Variants in AKR1C1 observed in about 807,000 individuals in gnomAD.
The protein encoded by AKR1C1 is 20 alpha-hydroxysteroid dehydrogenase.
Under a neutral mutation model 40.6 loss-of-function variants are expected in AKR1C1, and 32 were observed. The ratio of observed to expected loss-of-function variants is 0.79; its 90% CI spans 0.60 to 1.06. AKR1C1 has a LOEUF of 1.06. Ranked by LOEUF, AKR1C1 falls within the 50% of genes least tolerant of loss-of-function variation. AKR1C1 has a pLI of 0.00. For synonymous variants in AKR1C1, 105 were observed against 134.2 expected (o/e 0.78, Z 1.50); for missense variants, 320 against 363.5 (o/e 0.88, Z 0.97).
At position 4,977,852 on chromosome 10, in the gene AKR1C1, T is replaced by G; in HGVS notation, c.*110T>G. ...ACATCGCCTCTGGTTAAATCTCTCC[T>G]GCTTGGTGATTTCAGCAAGCTACAG... On this transcript the variant is annotated 3_prime_UTR_variant, in exon 9 of 9. Transcript: ENST00000380872. 1 of 1,466,490 alleles carries G rather than the reference T, an allele frequency of 6.8e-7. No homozygotes were observed. Among genetic ancestry groups the G allele is most frequent in the Non-Finnish European group, 9.3e-7 (1 of 1,078,942 alleles). 90.8% of individuals were successfully genotyped at this position (1,466,490 alleles called of 1,614,324 possible).
chr10:4,967,098 G>C (rs759863836), intron 3 of AKR1C1, 55 bp downstream of exon 3: 24 of 1,528,046 alleles, frequency 1.6e-5, no homozygotes, highest in Non-Finnish European at 2.2e-5. Flanking sequence ...CATAAATATT[G>C]TTTTTATGGA....
intron 7 of AKR1C1, among the ~76,000 whole-genome samples, chr10:4,973,666 G>A (rs1836475573): frequency 6.6e-6 from 1 of 152,120 alleles, no homozygotes. Context: ...GAAGGAGCTG[G>A]AAATTCATAT....
At chr10:4,972,804 T>C (rs1836459842) in intron 7 of AKR1C1, 55 bp downstream of exon 7, 3 of 1,581,332 alleles carry the variant, frequency 1.9e-6, no homozygotes, top group Admixed American at 3.5e-5. Context: ...TTCACACGTG[T>C]GCTTCTTGTA....
intron 1 of AKR1C1, among the ~76,000 whole-genome samples, chr10:4,964,451 G>A (rs1241204995): frequency 2.0e-5 from 3 of 152,178 alleles, no homozygotes; most frequent in Non-Finnish European, 2.9e-5. Context: ...AAGCCTTTGA[G>A]TACTCATACA....
rs1185107425 is a variant in AKR1C1, at chr10:4,968,311, A to G, written c.372A>G (p.Pro124=). ...TAAACTGACTGCTTCTACTTCAGCC[A>G]GGTGAGGAAGTGATCCCAAAAGATG... ...YLIHFPVSVK[P]GEEVIPKDEN... The change falls in exon 4 of 9, where the codon CCA becomes CCG. Residue 124 remains proline (P), a splice_region_variant and synonymous_variant. Coordinates refer to ENST00000380872, the MANE Select transcript of AKR1C1 (RefSeq NM_001353.6). 2 of 1,541,482 alleles carry G rather than the reference A, an allele frequency of 1.3e-6. No homozygotes were observed. Among genetic ancestry groups the G allele is most frequent in the Admixed American group, 1.9e-5 (1 of 53,144 alleles).
rs1370521839 is a variant in AKR1C1 at position 4,979,531 on chromosome 10, A to T, written c.*1789A>T. 1 of 152,114 alleles carries T rather than the reference A, an allele frequency of 6.6e-6. No individual in the cohort carries two copies. The highest frequency in any genetic ancestry group is 2.4e-5 in the African/African-American group (1 of 41,320). The allele number at this position is 152,114 out of a possible 1,614,324, so 9.4% of individuals were successfully genotyped here. On this transcript the variant is annotated 3_prime_UTR_variant, in exon 9 of 9. Coordinates refer to ENST00000380872, the MANE Select transcript of AKR1C1 (RefSeq NM_001353.6). ...CTTGACTGATGTAAGTGTCAAGAAA[A>T]GATTGACATTTTGTTAAAAGTTAGT...
chr10:4,981,893 G>T lies in AKR1C1; in HGVS notation c.*4151G>T, dbSNP rs1217281624. ...CCATGGTTATTATCTCAGCGTGTAAGCTGATGATCTGAGGCTGGTCAGAGT... is the reference window on the plus strand; with the variant it reads ...CCATGGTTATTATCTCAGCGTGTAATCTGATGATCTGAGGCTGGTCAGAGT... On this transcript the variant is annotated 3_prime_UTR_variant, in exon 9 of 9. Transcript: ENST00000380872. The T allele has an allele frequency of 6.6e-6, 1 of 152,278 alleles. No homozygotes were observed. The highest frequency in any genetic ancestry group is 1.5e-5 in the Non-Finnish European group (1 of 68,080). The allele number at this position is 152,278 out of a possible 1,614,324, so 9.4% of individuals were successfully genotyped here. A position where few individuals can be genotyped will look rare whatever the true frequency, so the allele number is the denominator to read the frequency against.
At chr10:4,968,020 A>C in intron 3 of AKR1C1, 1 of 305,248 alleles carries the variant, frequency 3.3e-6, no homozygotes, top group Non-Finnish European at 6.3e-6. Flanking sequence ...TGCCACAGAG[A>C]AAATTATAGG....
chr10:4,974,696 C>T (rs1836497931), intron 7 of AKR1C1, among the ~76,000 whole-genome samples: 2 of 152,020 alleles, frequency 1.3e-5, no homozygotes, highest in African/African-American at 4.8e-5. Flanking sequence ...GCTCACATAA[C>T]TTGATTTTTT....
rs1554769929 is a variant in AKR1C1 at position 4,972,289 on chromosome 10, G to T, written c.659G>T (p.Gly220Val). The change falls in exon 6 of 9, where the codon GGA (glycine) becomes GTA (valine). Residue 220 changes from glycine (G) to valine (V), a missense_variant. Gly to Val is a moderately radical substitution (Grantham distance 109). Around this residue, in one of 3 missense-constraint regions of AKR1C1, gnomAD observed 77 missense variants for 125.3 expected, o/e 0.61. Coordinates refer to ENST00000380872, the MANE Select transcript of AKR1C1 (RefSeq NM_001353.6). ...DIVLVAYSAL[G>V]SHREEPWVDP... ...GTTCTGGTTGCCTATAGTGCTCTGGGATCCCACCGAGAAGAACCATGGTAA... is the reference window on the plus strand; with the variant it reads ...GTTCTGGTTGCCTATAGTGCTCTGGTATCCCACCGAGAAGAACCATGGTAA... 1 of 1,613,758 alleles carries T rather than the reference G, an allele frequency of 6.2e-7. No homozygotes were observed. The highest frequency in any genetic ancestry group is 8.5e-7 in the Non-Finnish European group (1 of 1,179,978).
intron 8 of AKR1C1, among the ~76,000 whole-genome samples, chr10:4,976,673 G>C (rs768926411): frequency 6.6e-6 from 1 of 152,112 alleles, no homozygotes; most frequent in Non-Finnish European, 1.5e-5. Flanking sequence ...CTATTCCTCT[G>C]TGTTCTAAGG....
chr10:4,975,044 CTTA>C (rs1554770319), intron 7 of AKR1C1, among the ~76,000 whole-genome samples: 1 of 152,074 alleles, frequency 6.6e-6, no homozygotes, highest in Non-Finnish European at 1.5e-5. Context: ...GAATTTCCCA[CTTA>C]TTAATAGCCT....
chr10:4,970,586 T>A (rs1279035334), intron 5 of AKR1C1, among the ~76,000 whole-genome samples: 1 of 151,804 alleles, frequency 6.6e-6, no homozygotes, highest in African/African-American at 2.4e-5. Flanking sequence ...ATAGACTGGA[T>A]TAAGAAAATG....
intron 3 of AKR1C1, 117 bp from the exon 4 acceptor site, chr10:4,968,192 T>C (rs1307403413): frequency 2.2e-6 from 3 of 1,341,698 alleles, no homozygotes; most frequent in African/African-American, 2.8e-5. Flanking sequence ...TACCACTCTC[T>C]GGAGCACTGC....
In AKR1C1 at chr10:4,972,216, T is replaced by C. The variant is rs373617440; in HGVS notation, c.586T>C (p.Tyr196His). 6.8e-6 allele frequency: 11 copies of C among 1,613,858 alleles called. No homozygotes were observed. Among genetic ancestry groups the C allele is most frequent in the Admixed American group, 3.3e-5 (2 of 59,988 alleles). Residue 196 changes from tyrosine to histidine, a missense_variant, in exon 6 of 9, where the codon TAC (tyrosine) becomes CAC (histidine). Transcript: ENST00000380872. ...PVCNQVECHPYFNQRKLLDFC... is the reference protein window; with the variant it reads ...PVCNQVECHPHFNQRKLLDFC... ...TCGTCTGCAGGTGGAATGTCATCCT[T>C]ACTTCAACCAGAGAAAACTGCTGGA...
intron 2 of AKR1C1, among the ~76,000 whole-genome samples, chr10:4,966,453 A>C (rs1189427165): frequency 1.3e-5 from 2 of 152,238 alleles, no homozygotes; most frequent in Non-Finnish European, 2.9e-5. Context: ...TAGAGAGAGA[A>C]AGCAATATAA....
At chr10:4,971,709 C>A (rs1300095404) in intron 5 of AKR1C1, among the ~76,000 whole-genome samples, 23 of 151,054 alleles carry the variant, frequency 1.5e-4, no homozygotes, top group Admixed American at 2.6e-4. Context: ...TGTATATTTT[C>A]TAGTTCATCT....
rs1424374293 is a variant in AKR1C1, at chr10:4,979,607, C to CTA, written c.*1865_*1866insTA. On this transcript the variant is annotated 3_prime_UTR_variant, in exon 9 of 9. Transcript: ENST00000380872. ...ACTTTCATATTTCAAATCTCTTTAG[C>CTA]AAGTGTAACTCTTTTTTCAAGATGT... 2 of 152,150 alleles carry CTA rather than the reference C, an allele frequency of 1.3e-5. No homozygotes were observed. Among genetic ancestry groups the CTA allele is most frequent in the Non-Finnish European group, 2.9e-5 (2 of 68,042 alleles). 9.4% of individuals were successfully genotyped at this position (152,150 alleles called of 1,614,324 possible).
At chr10:4,972,117 T>C in intron 5 of AKR1C1, 84 bp from the exon 6 acceptor site, 1 of 1,576,616 alleles carries the variant, frequency 6.3e-7, no homozygotes. Flanking sequence ...TGCTCTACAT[T>C]ATTCAGCTTC....
Sources: gnomAD v4.1 joint callset for allele counts (sites outside exome capture counted in the v4.1 genomes callset) on GRCh38, gnomAD v4.1.1 for gene constraint, gnomAD v4.1.1 regional missense constraint, MANE v1.5 for transcripts, NCBI Gene and HGNC (gene_info 2026-07-23, HGNC 2026-07-21) for gene names.